The following GGA2 variants were observed in gnomAD, a reference collection of about 807,000 sequenced individuals.
GGA2 encodes golgi associated, gamma adaptin ear containing, ARF binding protein 2.
GGA2 carries 48 observed loss-of-function variants against 79.5 expected under a neutral mutation model. That is an observed-to-expected ratio of 0.60 (90% confidence interval 0.48 to 0.77). The LOEUF (loss-of-function observed/expected upper bound fraction) is 0.77. Among genes scored for constraint, GGA2 ranks in the 30% least tolerant of loss-of-function variants. The pLI is 0.00. For synonymous variants in GGA2, 317 were observed against 302.0 expected, an observed-to-expected ratio of 1.05 and a Z score of -0.51; for missense variants, 770 against 774.0, an observed-to-expected ratio of 0.99 and a Z score of 0.06.
At chr16:23,514,837 T>C (rs1965094012), upstream of GGA2, among the ~76,000 whole-genome samples, 1 of 151,944 alleles carries the variant, frequency 6.6e-6, no homozygotes, top group Non-Finnish European at 1.5e-5. Flanking sequence ...AGATCAATGG[T>C]TTTCAAACTA....
intron 1 of GGA2, among the ~76,000 whole-genome samples, chr16:23,520,253 CAA>C (rs3071381): frequency 9.6e-5 from 11 of 114,402 alleles, no homozygotes; most frequent in African/African-American, 2.3e-4. Flanking sequence ...AACTACGTCT[CAA>C]AAAAAAAAAA....
At chr16:23,473,160 T>A (rs932000111) in intron 14 of GGA2, among the ~76,000 whole-genome samples, 1 of 151,772 alleles carries the variant, frequency 6.6e-6, no homozygotes, top group Non-Finnish European at 1.5e-5. Flanking sequence ...TATAGGCTTA[T>A]AAAGTAACAG....
chr16:23,510,469 T>C lies in GGA2; in HGVS notation c.-58A>G, dbSNP rs112568758. The stretch of plus-strand genomic sequence containing the variant: ...CACTGCCTCTTCAGCCGCTGTAGCG[T>C]CCTGGCGCTCTCCTCTGCTGACTGC... On this transcript the variant is annotated 5_prime_UTR_variant, in exon 1 of 17. Transcript: ENST00000309859. The C allele has an allele frequency of 4.9e-6, 3 of 617,340 alleles. No homozygotes were observed. Among genetic ancestry groups the C allele is most frequent in the Non-Finnish European group, 7.2e-6 (3 of 416,308 alleles). 38.2% of individuals were successfully genotyped at this position (617,340 alleles called of 1,614,324 possible).
chr16:23,478,452 G>A lies in GGA2; in HGVS notation c.1208C>T (p.Thr403Met), dbSNP rs1281993791. The change falls in exon 13 of 17, where the codon ACG becomes ATG. Residue 403 changes from threonine to methionine, a missense_variant. By Grantham distance (81) the Thr-to-Met change is moderately conservative (BLOSUM62 -1). Coordinates refer to ENST00000309859, the MANE Select transcript of GGA2 (RefSeq NM_015044.4). ...GTTCTGAACACCACCGCCTGGCAGCGTGCTGGAGGAGGGATTCCTCTTTTC... is the reference window on the plus strand; with the variant it reads ...GTTCTGAACACCACCGCCTGGCAGCATGCTGGAGGAGGGATTCCTCTTTTC... ...CEEKRNPSSS[T>M]LPGGGVQNPS... is the part of the protein sequence containing the mutation. 1.1e-5 allele frequency: 17 copies of A among 1,611,002 alleles called. No individual in the cohort carries two copies. The highest frequency in any genetic ancestry group is 2.7e-5 in the African/African-American group (2 of 74,888).
At chr16:23,478,784 T>G in intron 12 of GGA2, 99 bp downstream of exon 12, 4 of 873,542 alleles carry the variant, frequency 4.6e-6, no homozygotes, top group Non-Finnish European at 5.8e-6. Context: ...ACCGGGACAG[T>G]GCAGGAGCAC....
chr16:23,489,333 C>T (rs1964753926), intron 5 of GGA2, among the ~76,000 whole-genome samples: 1 of 152,308 alleles, frequency 6.6e-6, no homozygotes. Flanking sequence ...CTCCTAAGGT[C>T]AAGCAGTCCT....
At position 23,467,433 on chromosome 16, in the gene GGA2, C is replaced by CACACACACACACAG. The variant is rs1964454117; in HGVS notation, c.*156_*157insCTGTGTGTGTGTGT. 3.4e-6 allele frequency: 2 copies of CACACACACACACAG among 589,980 alleles called. No homozygotes were observed. Among genetic ancestry groups the CACACACACACACAG allele is most frequent in the African/African-American group, 1.9e-5 (1 of 53,062 alleles). The allele number at this position is 589,980 out of a possible 1,614,324, so 36.5% of individuals were successfully genotyped here. On this transcript the variant is annotated 3_prime_UTR_variant, in exon 17 of 17. Transcript: ENST00000309859. ...ACACACACACACACACACACACACA[C>CACACACACACACAG]AGAGCATCTGCAGAATAAGTCAGAG...
At chr16:23,498,373 G>A (rs1179458244) in intron 1 of GGA2, among the ~76,000 whole-genome samples, 1 of 151,972 alleles carries the variant, frequency 6.6e-6, no homozygotes, top group African/African-American at 2.4e-5. Flanking sequence ...GCTACAGTGA[G>A]CTATGATTGT....
chr16:23,493,410 C>A lies in GGA2; in HGVS notation c.301G>T (p.Val101Leu). The A allele has an allele frequency of 6.2e-7, 1 of 1,613,230 alleles. No individual in the cohort carries two copies. The highest frequency in any genetic ancestry group is 8.5e-7 in the Non-Finnish European group (1 of 1,179,218). ...TCGTTCAGGAAACGAAATTTGGCCA[C>A]CTCGCTGTGGAACTTCTCCCCACAG... ...NHCGEKFHSE[V>L]AKFRFLNELI... The change falls in exon 4 of 17, where the codon GTG becomes TTG. Residue 101 changes from valine (V) to leucine (L), a missense_variant. Coordinates refer to ENST00000309859, the MANE Select transcript of GGA2 (RefSeq NM_015044.4).
intron 2 of GGA2, among the ~76,000 whole-genome samples, chr16:23,518,393 A>G (rs989968646): frequency 5.3e-5 from 8 of 151,934 alleles, no homozygotes; most frequent in Non-Finnish European, 8.8e-5. Flanking sequence ...ATTTTTTTGT[A>G]AAGATGGGGG....
intron 4 of GGA2, among the ~76,000 whole-genome samples, chr16:23,492,158 C>A (rs1964796750): frequency 6.6e-6 from 1 of 152,208 alleles, no homozygotes; most frequent in Non-Finnish European, 1.5e-5. Context: ...TTTCCTGAGT[C>A]ACAAGAGTGT....
chr16:23,476,228 G>A (rs1459551406), intron 13 of GGA2, among the ~76,000 whole-genome samples: 1 of 152,182 alleles, frequency 6.6e-6, no homozygotes, highest in East Asian at 1.9e-4. Flanking sequence ...CCCTGCCCGA[G>A]TGGCTGAAAA....
At chr16:23,517,834 C>T (rs1328245149) in intron 2 of GGA2, among the ~76,000 whole-genome samples, 1 of 152,072 alleles carries the variant, frequency 6.6e-6, no homozygotes, top group East Asian at 1.9e-4. Context: ...TTCCTAACCT[C>T]GTGATCTGCC....
intron 6 of GGA2, among the ~76,000 whole-genome samples, chr16:23,488,369 C>G (rs1421231339): frequency 4.6e-5 from 7 of 152,098 alleles, no homozygotes; most frequent in Non-Finnish European, 8.8e-5. Flanking sequence ...CTACCAAGAC[C>G]CAGGATGCAG....
rs750334506 is a variant in GGA2 at position 23,484,640 on chromosome 16, G to A, written c.798+1375C>T. The stretch of plus-strand genomic sequence containing the variant: ...GCCAATGAGCATAGGAAATAAATAA[G>A]CCATCAAGAAACAGAAAGTTGCAAT... On this transcript the variant is annotated intron_variant, in intron 8 of 16. Transcript: ENST00000309859. 2.1e-4 allele frequency among the ~76,000 whole-genome samples: 32 copies of A among 152,158 alleles called. 1 individual carries two copies. The highest frequency in any genetic ancestry group is 3.8e-4 in the Non-Finnish European group (26 of 68,026).
rs796844875 is a variant in GGA2 at position 23,467,271 on chromosome 16, A to G, written c.*319T>C. ...AAAACCTCCAACCTGAGGCAGGGAC[A>G]GTGTCGCTCGCTGACATGCAGAAAC... On this transcript the variant is annotated 3_prime_UTR_variant, in exon 17 of 17. Transcript: ENST00000309859. 5 of 269,196 alleles carry G rather than the reference A, an allele frequency of 1.9e-5. No individual in the cohort carries two copies. Among genetic ancestry groups the G allele is most frequent in the African/African-American group, 6.6e-5 (3 of 45,770 alleles). The allele number at this position is 269,196 out of a possible 1,614,324, so 16.7% of individuals were successfully genotyped here. A position where few individuals can be genotyped will look rare whatever the true frequency, so the allele number is the denominator to read the frequency against.
intron 3 of GGA2, 131 bp from the exon 4 acceptor site, chr16:23,493,589 T>C (rs1964817368): frequency 1.5e-6 from 1 of 649,050 alleles, no homozygotes; most frequent in South Asian, 1.8e-5. Flanking sequence ...ATGAGGACAC[T>C]GAAGTTTTGA....
chr16:23,482,077 G>T (rs1467481906), intron 9 of GGA2, among the ~76,000 whole-genome samples: 1 of 152,106 alleles, frequency 6.6e-6, no homozygotes, highest in Non-Finnish European at 1.5e-5. Flanking sequence ...AACCAGCCTG[G>T]CCAAAATGGT....
intron 7 of GGA2, 23 bp downstream of exon 7, chr16:23,486,687 G>A: frequency 1.0e-5 from 14 of 1,400,588 alleles, no homozygotes; most frequent in Non-Finnish European, 1.4e-5. Flanking sequence ...TACTTCTACT[G>A]AACCAACTGG....
Sources: allele counts gnomAD v4.1 joint callset (sites outside exome capture counted in the v4.1 genomes callset), GRCh38; gene constraint gnomAD v4.1.1; transcripts MANE v1.5; gene names NCBI Gene and HGNC (gene_info 2026-07-23, HGNC 2026-07-21).